Variants in MTRF1 observed in about 807,000 individuals in gnomAD.
The protein encoded by MTRF1 is mitochondrial translation release factor 1.
A neutral mutation model predicts 62.9 loss-of-function variants in MTRF1; 51 were observed. The ratio of observed to expected loss-of-function variants is 0.81; its 90% CI spans 0.65 to 1.02. The LOEUF is 1.02. MTRF1 is among the 50% of genes least tolerant of loss of function. The pLI is 0.00. For synonymous variants in MTRF1, 158 were observed against 181.9 expected (o/e 0.87, Z 1.06); for missense variants, 446 against 530.0 (o/e 0.84, Z 1.56).
chr13:41,263,673 A>T (rs2040721389), upstream of MTRF1: 1 of 160,606 alleles, frequency 6.2e-6, no homozygotes, highest in Non-Finnish European at 1.4e-5. Flanking sequence ...GAGCATGCCT[A>T]ACAATGGACT....
the MTRF1 span, among the ~76,000 whole-genome samples, chr13:41,271,273 C>A: frequency 2.0e-5 from 3 of 152,086 alleles, no homozygotes; most frequent in African/African-American, 4.8e-5. Flanking sequence ...TGCAGGTTGA[C>A]CTTAGGGCTC....
At chr13:41,283,125 G>A in the MTRF1 span, among the ~76,000 whole-genome samples, 2 of 152,214 alleles carry the variant, frequency 1.3e-5, no homozygotes, top group East Asian at 3.8e-4. Context: ...TCATTTGAGA[G>A]CTGTTCATTG....
chr13:41,307,216 C>T, the MTRF1 span, among the ~76,000 whole-genome samples: 4,422 of 152,012 alleles, frequency 0.029, 201 homozygotes, highest in African/African-American at 0.098. Context: ...CATCTTGAAT[C>T]GTAACCCCCA....
upstream of MTRF1, among the ~76,000 whole-genome samples, chr13:41,267,939 C>T (rs2040859102): frequency 6.6e-6 from 1 of 151,470 alleles, no homozygotes; most frequent in Non-Finnish European, 1.5e-5. Flanking sequence ...TTATTTTAAT[C>T]TTATTATTAT....
intron 2 of MTRF1, among the ~76,000 whole-genome samples, chr13:41,256,943 T>TTA (rs2039808993): frequency 6.6e-6 from 1 of 152,106 alleles, no homozygotes; most frequent in Non-Finnish European, 1.5e-5. Flanking sequence ...GGGGCTGAGG[T>TTA]TAAGACAGTT....
chr13:41,228,205 T>C (rs2034820147), intron 7 of MTRF1, among the ~76,000 whole-genome samples: 1 of 152,156 alleles, frequency 6.6e-6, no homozygotes, highest in African/African-American at 2.4e-5. Flanking sequence ...GTACTTTCTA[T>C]AGAGGAGTAT....
chr13:41,265,004 AG>A (rs2040795393), upstream of MTRF1, among the ~76,000 whole-genome samples: 2 of 152,248 alleles, frequency 1.3e-5, no homozygotes, highest in Admixed American at 1.3e-4. Context: ...GTAGGGGAAA[AG>A]TTTCAAAGGG....
At chr13:41,273,948 G>A in the MTRF1 span, among the ~76,000 whole-genome samples, 8 of 152,220 alleles carry the variant, frequency 5.3e-5, no homozygotes, top group African/African-American at 1.9e-4. Context: ...CAGGTCATAG[G>A]TAGATAAAAG....
intron 6 of MTRF1, 139 bp from the exon 7 acceptor site, chr13:41,234,146 A>C: frequency 1.5e-6 from 1 of 684,754 alleles, no homozygotes; most frequent in Non-Finnish European, 2.5e-6. Context: ...TATACCAAAG[A>C]AAGAGCAATA....
chr13:41,305,032 T>G, the MTRF1 span, among the ~76,000 whole-genome samples: 1 of 152,216 alleles, frequency 6.6e-6, no homozygotes, highest in Non-Finnish European at 1.5e-5. Context: ...TCTTAAGTAT[T>G]CAATAGAGTT....
At chr13:41,275,750 C>T in the MTRF1 span, among the ~76,000 whole-genome samples, 27 of 152,176 alleles carry the variant, frequency 1.8e-4, no homozygotes, top group Non-Finnish European at 3.5e-4. Flanking sequence ...ACCTCAGCCT[C>T]CCAAAGTGCT....
chr13:41,311,181 C>G, the MTRF1 span: 13 of 430,504 alleles, frequency 3.0e-5, no homozygotes, highest in Admixed American at 4.3e-5. Flanking sequence ...GCTACGCCCC[C>G]GTAGTCACCC....
At chr13:41,300,393 T>C in the MTRF1 span, among the ~76,000 whole-genome samples, 7 of 152,212 alleles carry the variant, frequency 4.6e-5, no homozygotes, top group Admixed American at 2.6e-4. Flanking sequence ...GAGACCATCC[T>C]GGCCAACATG....
upstream of MTRF1, among the ~76,000 whole-genome samples, chr13:41,268,438 C>T (rs1291171231): frequency 1.3e-5 from 2 of 151,726 alleles, no homozygotes; most frequent in African/African-American, 2.4e-5. Context: ...AAGTCATTCT[C>T]GGGAGGCTGA....
rs770222705 is a variant in MTRF1, at chr13:41,260,869, T to C, written c.39A>G (p.Pro13=). The change falls in exon 2 of 10, where the codon CCA becomes CCG. Residue 13 remains proline, a synonymous_variant. Transcript: ENST00000379480. ...GACACTGGAGGTAACCATTAAGAGA[T>C]GGATGTCTAAAAAGCCAAACACACA... ...RHLCVWLFRH[P]SLNGYLQCHI... 7.3e-5 allele frequency: 117 copies of C among 1,610,430 alleles called. No individual in the cohort carries two copies. The highest frequency in any genetic ancestry group is 9.3e-5 in the Non-Finnish European group (110 of 1,177,172).
At chr13:41,297,746 T>C in the MTRF1 span, among the ~76,000 whole-genome samples, 1 of 152,032 alleles carries the variant, frequency 6.6e-6, no homozygotes, top group African/African-American at 2.4e-5. Context: ...CAGCTAATTT[T>C]TTTTATTTTT....
upstream of MTRF1, among the ~76,000 whole-genome samples, chr13:41,268,522 G>T (rs1429919361): frequency 6.6e-6 from 1 of 151,670 alleles, no homozygotes; most frequent in African/African-American, 2.4e-5. Flanking sequence ...CTCTAGCCTG[G>T]GTGACAGAGC....
the MTRF1 span, among the ~76,000 whole-genome samples, chr13:41,290,247 A>G: frequency 6.8e-6 from 1 of 146,522 alleles, no homozygotes; most frequent in African/African-American, 2.5e-5. Flanking sequence ...ACAGGCGTGC[A>G]CCACCTACGT....
At chr13:41,220,553 T>C (rs1391120018) in intron 9 of MTRF1, 7 of 1,281,084 alleles carry the variant, frequency 5.5e-6, no homozygotes, top group Non-Finnish European at 7.1e-6. Flanking sequence ...GAAGAAGTCA[T>C]AATGAGAATA....
Sources: allele counts gnomAD v4.1 joint callset (sites outside exome capture counted in the v4.1 genomes callset), GRCh38; gene constraint gnomAD v4.1.1; transcripts MANE v1.5; gene names NCBI Gene and HGNC (gene_info 2026-07-23, HGNC 2026-07-21).